Variants in SLC16A12 observed in about 807,000 individuals in gnomAD.
The protein encoded by SLC16A12 is monocarboxylate transporter 12.
In SLC16A12, 17 loss-of-function variants were observed where a neutral mutation model predicts 42.4. The observed-to-expected ratio is 0.40, with a 90% CI of 0.27 to 0.60. SLC16A12 has a LOEUF of 0.60. Among genes scored for constraint, SLC16A12 ranks in the 20% least tolerant of loss-of-function variants. SLC16A12 has a pLI of 0.42. For missense variants in SLC16A12, 544 were observed against 623.0 expected, an observed-to-expected ratio of 0.87 and a Z score of 1.35; for synonymous variants, 224 against 229.4, an observed-to-expected ratio of 0.98 and a Z score of 0.21.
chr10:89,515,939 T>C (rs1047323917), intron 2 of SLC16A12, among the ~76,000 whole-genome samples: 1 of 152,206 alleles, frequency 6.6e-6, no homozygotes, highest in Non-Finnish European at 1.5e-5. Flanking sequence ...CTTATAAATA[T>C]GGTCATTTGG....
chr10:89,489,267 T>C (rs1407391122), intron 2 of SLC16A12, among the ~76,000 whole-genome samples: 2 of 152,212 alleles, frequency 1.3e-5, no homozygotes, highest in South Asian at 2.1e-4. Context: ...ATATTCACCT[T>C]CTTGGAGATT....
In SLC16A12 at chr10:89,431,158, T is replaced by A. The variant is rs1589653565; in HGVS notation, c.*1906A>T. On this transcript the variant is annotated 3_prime_UTR_variant, in exon 8 of 8. Coordinates refer to ENST00000371790, the MANE Select transcript of SLC16A12 (RefSeq NM_213606.4). ...GACTACAGGCGCCCGCCACCACGCC[T>A]GGCTAATTTTTTGCATTTTTAGTAG... 1 of 168,650 alleles carries A rather than the reference T, an allele frequency of 5.9e-6. No homozygotes were observed. The highest frequency in any genetic ancestry group is 6.2e-5 in the Admixed American group (1 of 16,010). 10.4% of individuals were successfully genotyped at this position (168,650 alleles called of 1,614,324 possible). A position where few individuals can be genotyped will look rare whatever the true frequency, so the allele number is the denominator to read the frequency against.
chr10:89,437,614 CTT>C (rs1841824577), intron 6 of SLC16A12, among the ~76,000 whole-genome samples: 7 of 151,394 alleles, frequency 4.6e-5, no homozygotes, highest in Admixed American at 4.6e-4. Flanking sequence ...AATAGGTAAT[CTT>C]TGCTCTTCCA....
At position 89,441,207 on chromosome 10, in the gene SLC16A12, C is replaced by G; in HGVS notation, c.349G>C (p.Gly117Arg). ...VVSNHLSCQV[G>R]IMLGGLLAST... The stretch of plus-strand genomic sequence containing the variant: ...GCAAGCAAGCCACCCAGCATGATTC[C>G]CACTTGACAGGATAAATGGTTACTG... Residue 117 changes from glycine to arginine, a missense_variant, in exon 5 of 8, where the codon GGA becomes CGA. Gly to Arg is a moderately radical substitution (Grantham distance 125). Coordinates refer to ENST00000371790, the MANE Select transcript of SLC16A12 (RefSeq NM_213606.4). The G allele has an allele frequency of 1.9e-6, 3 of 1,613,956 alleles. No individual in the cohort carries two copies. The highest frequency in any genetic ancestry group is 2.5e-6 in the Non-Finnish European group (3 of 1,179,956).
At chr10:89,537,606 T>C (rs1589736334), upstream of SLC16A12, among the ~76,000 whole-genome samples, 1 of 152,182 alleles carries the variant, frequency 6.6e-6, no homozygotes. Flanking sequence ...CTGCCATGAG[T>C]GAGCCCTGAC....
intron 2 of SLC16A12, among the ~76,000 whole-genome samples, chr10:89,483,340 A>G (rs1170775100): frequency 2.0e-5 from 3 of 152,154 alleles, no homozygotes; most frequent in African/African-American, 4.8e-5. Flanking sequence ...CATTGAGTCC[A>G]TAACAGGACC....
At chr10:89,462,744 A>G in intron 2 of SLC16A12, 120 bp from the exon 3 acceptor site, 3 of 1,122,790 alleles carry the variant, frequency 2.7e-6, no homozygotes, top group East Asian at 2.6e-5. Context: ...GTAACTATGA[A>G]TACTAGACTG....
chr10:89,553,857 G>A lies in SLC16A12; in HGVS notation c.-47+2025C>T, dbSNP rs541901382. Among the ~76,000 whole-genome samples the A allele has an allele frequency of 6.5e-4, 99 of 151,740 alleles. 1 individual carries two copies. Among genetic ancestry groups the A allele is most frequent in the African/African-American group, 2.2e-3 (90 of 41,302 alleles). On this transcript the variant is annotated intron_variant, in intron 2 of 2. Transcript: ENST00000475682. ...AAAAATACAAAACAATTAGCCAGGCGTGGTGGCAGGTGCCTGTAATCGCAG... is the reference window on the plus strand; with the variant it reads ...AAAAATACAAAACAATTAGCCAGGCATGGTGGCAGGTGCCTGTAATCGCAG...
At position 89,437,728 on chromosome 10, in the gene SLC16A12, T is replaced by C. The variant is rs187278344; in HGVS notation, c.1028+876A>G. 2.6e-5 allele frequency among the ~76,000 whole-genome samples: 4 copies of C among 152,146 alleles called. No homozygotes were observed. In the East Asian group the frequency reaches 7.7e-4, roughly 29 times the overall value. On this transcript the variant is annotated intron_variant, in intron 6 of 7. Transcript: ENST00000371790. ...CCTGATTAATTACCAAAAACATAAT[T>C]TGTGAGAAGCTACATGATGGTATTA... is the stretch of plus-strand genomic sequence containing the variant.
At chr10:89,470,833 C>G (rs1300308356) in intron 2 of SLC16A12, among the ~76,000 whole-genome samples, 1 of 152,192 alleles carries the variant, frequency 6.6e-6, no homozygotes, top group Non-Finnish European at 1.5e-5. Context: ...GTAACCAATA[C>G]TAGGAAAACC....
chr10:89,443,820 G>C lies in SLC16A12; in HGVS notation c.240C>G (p.Phe80Leu). The change falls in exon 4 of 8, where the codon TTC becomes TTG. Residue 80 changes from phenylalanine to leucine, a missense_variant. By Grantham distance (22) the Phe-to-Leu change is conservative. Transcript: ENST00000371790. ...ATGCCGTTTGTGCGTAATCCTGAGT[G>C]AAGTATGTCTGGAACTCCACAAAAA... is the stretch of plus-strand genomic sequence containing the variant. ...SIFFVEFQTY[F>L]TQDYAQTAWI... 2 of 1,613,842 alleles carry C rather than the reference G, an allele frequency of 1.2e-6. No individual in the cohort carries two copies. The highest frequency in any genetic ancestry group is 3.3e-4 in the Middle Eastern group (2 of 6,060).
rs753958978 is a variant in SLC16A12 at position 89,439,096 on chromosome 10, G to A, written c.536C>T (p.Ala179Val). The change falls in exon 6 of 8, where the codon GCC becomes GTC. Residue 179 changes from alanine (A) to valine (V), a missense_variant. By Grantham distance (64) the Ala-to-Val change is moderately conservative. Coordinates refer to ENST00000371790, the MANE Select transcript of SLC16A12 (RefSeq NM_213606.4). ...SRRKALAYGIAMSGSGIGTFI... is the reference protein window; with the variant it reads ...SRRKALAYGIVMSGSGIGTFI... ...GGTGCCAATGCCACTTCCTGACATG[G>A]CGATACCATAAGCAAGGGCTTTCCG... The A allele has an allele frequency of 1.9e-6, 3 of 1,613,654 alleles. No homozygotes were observed. The Admixed American group carries it at 5.0e-5, about 27-fold the overall frequency.
At chr10:89,552,800 C>T (rs928350992) in intron 2 of SLC16A12, among the ~76,000 whole-genome samples, 1 of 152,146 alleles carries the variant, frequency 6.6e-6, no homozygotes, top group African/African-American at 2.4e-5. Flanking sequence ...TGGTGACATC[C>T]GCACTTGGCT....
chr10:89,499,647 G>A (rs1470453919), intron 2 of SLC16A12, among the ~76,000 whole-genome samples: 7 of 152,112 alleles, frequency 4.6e-5, no homozygotes, highest in African/African-American at 1.4e-4. Flanking sequence ...ATACAGCAAA[G>A]TCAGTGCTAA....
Position 89,439,120 on chromosome 10 carries a change from C to A in SLC16A12, c.512G>T (p.Arg171Leu). Residue 171 changes from arginine to leucine, a missense_variant, in exon 6 of 8, where the codon CGG becomes CTG. Coordinates refer to ENST00000371790, the MANE Select transcript of SLC16A12 (RefSeq NM_213606.4). ...GGCGATACCATAAGCAAGGGCTTTCCGTCTGCTGAAGTACTTGCCAACCAT... is the reference window on the plus strand; with the variant it reads ...GGCGATACCATAAGCAAGGGCTTTCAGTCTGCTGAAGTACTTGCCAACCAT... ...IAMVGKYFSR[R>L]KALAYGIAMS... is the part of the protein sequence containing the mutation. 1 of 1,613,842 alleles carries A rather than the reference C, an allele frequency of 6.2e-7. No individual in the cohort carries two copies. Among genetic ancestry groups the A allele is most frequent in the Non-Finnish European group, 8.5e-7 (1 of 1,179,932 alleles).
In SLC16A12 at chr10:89,439,078, A is replaced by G. The variant is rs1218923931; in HGVS notation, c.554T>C (p.Ile185Thr). The G allele has an allele frequency of 2.5e-6, 4 of 1,613,336 alleles. No homozygotes were observed. Among genetic ancestry groups the G allele is most frequent in the Non-Finnish European group, 3.4e-6 (4 of 1,179,684 alleles). The change falls in exon 6 of 8, where the codon ATT becomes ACT. Residue 185 changes from isoleucine (I) to threonine (T), a missense_variant. By Grantham distance (89) the Ile-to-Thr change is moderately conservative. Transcript: ENST00000371790. The part of the protein sequence containing the change: ...AYGIAMSGSG[I>T]GTFILAPVVQ... ...CACAGGAGCCAGGATGAAGGTGCCA[A>G]TGCCACTTCCTGACATGGCGATACC...
intron 2 of SLC16A12, among the ~76,000 whole-genome samples, chr10:89,505,363 C>T (rs1173551186): frequency 2.0e-5 from 3 of 151,654 alleles, no homozygotes; most frequent in Non-Finnish European, 2.9e-5. Context: ...TGCAGTGAGC[C>T]GAGATCATGC....
Position 89,443,856 on chromosome 10 carries a change from A to G in SLC16A12, c.204T>C (p.Cys68=). The G allele has an allele frequency of 6.3e-7, 1 of 1,598,908 alleles. No homozygotes were observed. The highest frequency in any genetic ancestry group is 8.6e-7 in the Non-Finnish European group (1 of 1,166,122). ...GGAACTCCACAAAAAAAATTGAGAT[A>G]CATCTGAAAAATACAATGCAGGCAT... ...VTICTRAVTR[C]ISIFFVEFQT... Residue 68 remains cysteine (C), a synonymous_variant, in exon 4 of 8, where the codon TGT becomes TGC. Transcript: ENST00000371790.
At chr10:89,493,734 G>A (rs1012069941) in intron 2 of SLC16A12, among the ~76,000 whole-genome samples, 1 of 152,094 alleles carries the variant, frequency 6.6e-6, no homozygotes, top group Non-Finnish European at 1.5e-5. Context: ...TACTACCAGT[G>A]TTTTACAGGC....
Sources: gnomAD v4.1 joint callset for allele counts (sites outside exome capture counted in the v4.1 genomes callset) on GRCh38, gnomAD v4.1.1 for gene constraint, MANE v1.5 for transcripts, NCBI Gene and HGNC (gene_info 2026-07-23, HGNC 2026-07-21) for gene names.